ALK: variants seen among roughly 807,000 people sequenced by gnomAD.
The protein encoded by ALK is ALK receptor tyrosine kinase, also known as ALK tyrosine kinase receptor.
In ALK, 74 loss-of-function variants were observed where a neutral mutation model predicts 163.1. The ratio of observed to expected loss-of-function variants is 0.45; its 90% CI spans 0.38 to 0.55. The LOEUF is 0.55. ALK is among the 20% of genes least tolerant of loss of function. The pLI is 0.00. For missense variants in ALK, 2,063 were observed against 2,105.3 expected (o/e 0.98, Z 0.39); for synonymous variants, 960 against 843.2 (o/e 1.14, Z -2.40).
intron 1 of ALK, among the ~76,000 whole-genome samples, chr2:29,770,640 C>A (rs13415023): frequency 0.31 from 47,864 of 151,968 alleles, 9,059 homozygotes; most frequent in African/African-American, 0.52. Context: ...TTGTGAAAAC[C>A]AGAGCTGGAT....
chr2:29,195,353 C>T (rs187568744), intron 28 of ALK, among the ~76,000 whole-genome samples: 6 of 152,212 alleles, frequency 3.9e-5, no homozygotes, highest in Admixed American at 2.0e-4. Flanking sequence ...AGTTCACTCA[C>T]GTGAGCTGAA....
chr2:29,852,468 G>C (rs1381969633), intron 1 of ALK, among the ~76,000 whole-genome samples: 3 of 152,134 alleles, frequency 2.0e-5, no homozygotes, highest in Admixed American at 1.3e-4. Context: ...ACTTTCAAAG[G>C]TGTGGGGAAG....
chr2:29,814,737 G>T (rs1223883133), intron 1 of ALK, among the ~76,000 whole-genome samples: 2 of 152,030 alleles, frequency 1.3e-5, no homozygotes, highest in African/African-American at 2.4e-5. Flanking sequence ...TGCTTTACTA[G>T]TTGCATGAAT....
At chr2:29,299,965 G>A (rs1409041908) in intron 8 of ALK, among the ~76,000 whole-genome samples, 1 of 152,200 alleles carries the variant, frequency 6.6e-6, no homozygotes, top group Admixed American at 6.5e-5. Flanking sequence ...ATTAGTGTCT[G>A]TCTCCTACCT....
chr2:29,601,459 T>C (rs1303119685), intron 3 of ALK, among the ~76,000 whole-genome samples: 1 of 152,008 alleles, frequency 6.6e-6, no homozygotes, highest in African/African-American at 2.4e-5. Flanking sequence ...GTGGCATGAT[T>C]CCAGGGGAGG....
At chr2:29,848,935 G>T (rs1004535347) in intron 1 of ALK, among the ~76,000 whole-genome samples, 1 of 152,296 alleles carries the variant, frequency 6.6e-6, no homozygotes, top group East Asian at 1.9e-4. Context: ...TACGTGGACT[G>T]ATTGGCCACA....
intron 1 of ALK, among the ~76,000 whole-genome samples, chr2:29,783,955 T>C (rs1398173746): frequency 6.6e-6 from 1 of 152,136 alleles, no homozygotes; most frequent in African/African-American, 2.4e-5. Flanking sequence ...ATCTCACACA[T>C]AGGAGCTAGA....
intron 5 of ALK, among the ~76,000 whole-genome samples, chr2:29,346,324 T>C (rs1281747644): frequency 6.6e-6 from 1 of 152,322 alleles, no homozygotes; most frequent in Non-Finnish European, 1.5e-5. Flanking sequence ...AAGGTACCAA[T>C]TGAATGCAGT....
chr2:29,849,950 T>C (rs918664878), intron 1 of ALK, among the ~76,000 whole-genome samples: 1 of 151,900 alleles, frequency 6.6e-6, no homozygotes, highest in African/African-American at 2.4e-5. Flanking sequence ...TACAACAGAG[T>C]ACAACAGTTT....
intron 1 of ALK, among the ~76,000 whole-genome samples, chr2:29,831,046 A>AGGAGG (rs1665381231): frequency 6.4e-5 from 2 of 31,116 alleles, no homozygotes; most frequent in African/African-American, 8.6e-5. Context: ...GGAGGAGGAG[A>AGGAGG]AGGAGAAGAG....
chr2:29,284,898 T>G (rs969943826), intron 9 of ALK, among the ~76,000 whole-genome samples: 1 of 152,214 alleles, frequency 6.6e-6, no homozygotes, highest in African/African-American at 2.4e-5. Flanking sequence ...GCTGCTCACG[T>G]ACAGCTCAGA....
intron 2 of ALK, among the ~76,000 whole-genome samples, chr2:29,710,512 G>C (rs1462423883): frequency 2.8e-5 from 4 of 143,412 alleles, no homozygotes; most frequent in African/African-American, 1.2e-4. Context: ...GTGTGTGTGT[G>C]TGTGTGTGTG....
At chr2:29,516,357 T>C (rs1341136243) in intron 4 of ALK, among the ~76,000 whole-genome samples, 1 of 152,192 alleles carries the variant, frequency 6.6e-6, no homozygotes. Flanking sequence ...AGTTTTCCCA[T>C]ACAGATACCA....
chr2:29,347,756 G>C (rs964227891), intron 5 of ALK, among the ~76,000 whole-genome samples: 2 of 152,180 alleles, frequency 1.3e-5, no homozygotes, highest in Non-Finnish European at 1.5e-5. Flanking sequence ...TGCCGATCTA[G>C]CTCTTTCCAT....
At chr2:29,680,584 C>A (rs1678033706) in intron 3 of ALK, among the ~76,000 whole-genome samples, 1 of 151,996 alleles carries the variant, frequency 6.6e-6, no homozygotes, top group African/African-American at 2.4e-5. Flanking sequence ...GTTATTATTG[C>A]TCATTGTTGT....
intron 4 of ALK, among the ~76,000 whole-genome samples, chr2:29,511,251 C>T (rs1345280372): frequency 1.3e-5 from 2 of 152,078 alleles, no homozygotes; most frequent in Admixed American, 1.3e-4. Context: ...CCAACCCTCT[C>T]TCTACCTTCC....
rs1485360179 is a variant in ALK at position 29,502,367 on chromosome 2, C to A, written c.1154+29548G>T. Among the ~76,000 whole-genome samples the A allele has an allele frequency of 2.0e-5, 3 of 152,136 alleles. No individual in the cohort carries two copies. In the South Asian group the frequency reaches 6.2e-4, roughly 32 times the overall value. ...GATGAATGAATGAACCCAATAAGCACTTGTAAAAGATCAGTTTTGTAAATG... is the reference window on the plus strand; with the variant it reads ...GATGAATGAATGAACCCAATAAGCAATTGTAAAAGATCAGTTTTGTAAATG... On this transcript the variant is annotated intron_variant, in intron 4 of 28. Transcript: ENST00000389048.
intron 3 of ALK, among the ~76,000 whole-genome samples, chr2:29,568,694 G>T (rs899137180): frequency 6.6e-5 from 10 of 152,170 alleles, no homozygotes; most frequent in African/African-American, 2.4e-4. Flanking sequence ...CATGGGTGTG[G>T]GTTCGGTTAG....
At position 29,277,674 on chromosome 2, in the gene ALK, G is replaced by A. The variant is rs190375750; in HGVS notation, c.1818-2178C>T. On this transcript the variant is annotated intron_variant, in intron 9 of 28. Transcript: ENST00000389048. ...CTCCATGCTACCCTCAGTCAGGATAGTGTGTGCTGGTGGTTGGGTGTGGAA... is the reference window on the plus strand; with the variant it reads ...CTCCATGCTACCCTCAGTCAGGATAATGTGTGCTGGTGGTTGGGTGTGGAA... Among the ~76,000 whole-genome samples, 1,316 of 152,348 alleles carry A rather than the reference G, an allele frequency of 8.6e-3. 20 individuals carry two copies. The highest frequency in any genetic ancestry group is 7.2e-3 in the Non-Finnish European group (490 of 68,034).
Sources: allele counts gnomAD v4.1 joint callset (sites outside exome capture counted in the v4.1 genomes callset), GRCh38; gene constraint gnomAD v4.1.1; transcripts MANE v1.5; gene names NCBI Gene and HGNC (gene_info 2026-07-23, HGNC 2026-07-21).